Variants in SLC25A13 observed in about 807,000 individuals in gnomAD.
The protein encoded by SLC25A13 is solute carrier family 25 member 13.
In SLC25A13, 70 loss-of-function variants were observed where a neutral mutation model predicts 85.5. The observed-to-expected ratio is 0.82, with a 90% CI of 0.68 to 1.00. The LOEUF is 1.00. Ranked by LOEUF, SLC25A13 falls within the 50% of genes least tolerant of loss-of-function variation. The pLI is 0.00. For missense variants in SLC25A13, 765 were observed against 819.8 expected, an observed-to-expected ratio of 0.93 and a Z score of 0.82; for synonymous variants, 259 against 288.7, an observed-to-expected ratio of 0.90 and a Z score of 1.04.
At chr7:96,122,384 G>T (rs976877896) in intron 15 of SLC25A13, among the ~76,000 whole-genome samples, 3 of 152,116 alleles carry the variant, frequency 2.0e-5, no homozygotes, top group Admixed American at 2.0e-4. Flanking sequence ...TATTAGGTCC[G>T]ATTTTTCAGA....
intron 1 of SLC25A13, 25 bp downstream of exon 1, chr7:96,321,917 C>T (rs1166577075): frequency 1.3e-6 from 2 of 1,528,360 alleles, no homozygotes; most frequent in Admixed American, 2.0e-5. Flanking sequence ...AGGCGCGCTC[C>T]CCCCGGCCTC....
chr7:96,308,426 C>T (rs1584604601), intron 1 of SLC25A13, among the ~76,000 whole-genome samples: 1 of 152,146 alleles, frequency 6.6e-6, no homozygotes. Context: ...CCAGCAGATT[C>T]AGGCTGAATT....
At chr7:96,258,480 T>C (rs960969918) in intron 3 of SLC25A13, among the ~76,000 whole-genome samples, 2 of 151,950 alleles carry the variant, frequency 1.3e-5, no homozygotes, top group African/African-American at 4.8e-5. Context: ...ACAAAAAGAA[T>C]AAAATACCTA....
intron 4 of SLC25A13, among the ~76,000 whole-genome samples, chr7:96,227,704 C>A (rs1011356393): frequency 6.6e-6 from 1 of 152,132 alleles, no homozygotes; most frequent in Non-Finnish European, 1.5e-5. Context: ...ATCGACATAT[C>A]CTTGGGGAAG....
chr7:96,317,827 G>C (rs1168245044), intron 1 of SLC25A13, among the ~76,000 whole-genome samples: 1 of 147,602 alleles, frequency 6.8e-6, no homozygotes, highest in Non-Finnish European at 1.5e-5. Context: ...TTTGAGACAG[G>C]ATCTCGTTCT....
chr7:96,308,826 A>G (rs1799853725), intron 1 of SLC25A13, among the ~76,000 whole-genome samples: 1 of 152,222 alleles, frequency 6.6e-6, no homozygotes, highest in East Asian at 1.9e-4. Context: ...AATGTTCTTC[A>G]TTTACAAGCG....
chr7:96,320,616 T>C (rs890457515), intron 1 of SLC25A13, among the ~76,000 whole-genome samples: 2 of 152,140 alleles, frequency 1.3e-5, no homozygotes, highest in Non-Finnish European at 2.9e-5. Context: ...TGAAAAGTTA[T>C]AGATAGATAT....
chr7:96,199,733 C>T (rs1313292643), intron 5 of SLC25A13, among the ~76,000 whole-genome samples: 1 of 151,898 alleles, frequency 6.6e-6, no homozygotes, highest in African/African-American at 2.4e-5. Context: ...CAGCAGTTTC[C>T]AACTACTTCA....
chr7:96,160,473 C>G (rs909097112), intron 13 of SLC25A13, among the ~76,000 whole-genome samples: 1 of 152,226 alleles, frequency 6.6e-6, no homozygotes, highest in Non-Finnish European at 1.5e-5. Flanking sequence ...TCTCAGAGTT[C>G]TGGAGGCTCG....
intron 1 of SLC25A13, among the ~76,000 whole-genome samples, chr7:96,312,188 C>T (rs1344169521): frequency 6.6e-6 from 1 of 152,190 alleles, no homozygotes; most frequent in Admixed American, 6.5e-5. Flanking sequence ...GAAATCATAG[C>T]TCTCCTATTT....
chr7:96,267,103 A>T (rs1290143949), intron 3 of SLC25A13, among the ~76,000 whole-genome samples: 2 of 152,196 alleles, frequency 1.3e-5, no homozygotes, highest in Non-Finnish European at 2.9e-5. Context: ...TTGATTCTGT[A>T]TTATAACTTG....
chr7:96,141,099 C>T (rs78551894), intron 14 of SLC25A13, among the ~76,000 whole-genome samples: 5 of 150,326 alleles, frequency 3.3e-5, no homozygotes, highest in East Asian at 2.0e-4. Context: ...TATAGCTCAC[C>T]GCAGCCTCGA....
chr7:96,197,658 TGACA>T (rs1795111373), intron 5 of SLC25A13, among the ~76,000 whole-genome samples: 1 of 152,198 alleles, frequency 6.6e-6, no homozygotes, highest in African/African-American at 2.4e-5. Context: ...GTCAAGAGAC[TGACA>T]GCTCCTAGAT....
intron 13 of SLC25A13, among the ~76,000 whole-genome samples, chr7:96,162,960 G>A (rs555401416): frequency 3.9e-5 from 6 of 152,224 alleles, no homozygotes; most frequent in African/African-American, 1.4e-4. Flanking sequence ...GAGAATGAAT[G>A]GGTTCTAGGA....
intron 13 of SLC25A13, among the ~76,000 whole-genome samples, chr7:96,155,892 C>A (rs1477608728): frequency 6.6e-6 from 1 of 152,224 alleles, no homozygotes; most frequent in Non-Finnish European, 1.5e-5. Flanking sequence ...GCAGAGACTT[C>A]TCTTCAAGGT....
chr7:96,147,403 A>T (rs1286019501), intron 13 of SLC25A13, among the ~76,000 whole-genome samples: 22 of 152,156 alleles, frequency 1.4e-4, no homozygotes, highest in Non-Finnish European at 3.2e-4. Flanking sequence ...TACCAACCAA[A>T]CTTTGAACAT....
chr7:96,240,558 T>C (rs892638314), intron 3 of SLC25A13, among the ~76,000 whole-genome samples: 1 of 151,926 alleles, frequency 6.6e-6, no homozygotes, highest in African/African-American at 2.4e-5. Flanking sequence ...GAAATCCATA[T>C]TTGCTGGAGG....
At chr7:96,232,326 T>G (rs2116806130) in intron 4 of SLC25A13, among the ~76,000 whole-genome samples, 1 of 151,200 alleles carries the variant, frequency 6.6e-6, no homozygotes, top group Non-Finnish European at 1.5e-5. Context: ...CTTAGCAAAC[T>G]AATGTGGGAA....
intron 3 of SLC25A13, among the ~76,000 whole-genome samples, chr7:96,262,566 T>C (rs1274853383): frequency 6.6e-6 from 1 of 151,658 alleles, no homozygotes; most frequent in Non-Finnish European, 1.5e-5. Flanking sequence ...TTTTCATAAG[T>C]GTGGGTATGG....
Sources: gnomAD v4.1 joint callset for allele counts (sites outside exome capture counted in the v4.1 genomes callset) on GRCh38, gnomAD v4.1.1 for gene constraint, MANE v1.5 for transcripts, NCBI Gene and HGNC (gene_info 2026-07-23, HGNC 2026-07-21) for gene names.